The following ZNF717 variants were observed in gnomAD, a reference collection of about 807,000 sequenced individuals.
ZNF717 encodes zinc finger protein 717.
Under a neutral mutation model 13.8 loss-of-function variants are expected in ZNF717, and 9 were observed. The observed-to-expected ratio is 0.65, with a 90% CI of 0.39 to 1.14. The LOEUF (loss-of-function observed/expected upper bound fraction) is 1.14. Among genes scored for constraint, ZNF717 ranks in the 50% most tolerant of loss-of-function variants. The pLI, the probability that ZNF717 is intolerant of heterozygous loss-of-function variation, is 0.01. For missense variants in ZNF717, 1,040 were observed against 1,080.7 expected, an observed-to-expected ratio of 0.96 and a Z score of 0.53; for synonymous variants, 327 against 364.1, an observed-to-expected ratio of 0.90 and a Z score of 1.16.
intron 2 of ZNF717, among the ~76,000 whole-genome samples, chr3:75,751,361 C>T (rs139904393): frequency 7.2e-6 from 1 of 137,960 alleles, no homozygotes; most frequent in African/African-American, 2.7e-5. Flanking sequence ...CATCTGAATG[C>T]TTGTCCCTCA....
intron 2 of ZNF717, among the ~76,000 whole-genome samples, chr3:75,745,156 G>T (rs56300256): frequency 0.68 from 88,898 of 129,898 alleles, 27,066 homozygotes; most frequent in East Asian, 0.83. Flanking sequence ...GTGGTCTGTT[G>T]TTTTTTTTTT....
At position 75,737,682 on chromosome 3, in the gene ZNF717, G is replaced by T. The variant is rs139448820; in HGVS notation, c.1941C>A (p.Tyr647Ter). The change falls in exon 5 of 5, where the codon TAC becomes TAA. Residue 647 changes from tyrosine (Y) to a stop codon, truncating the protein, a stop_gained. Transcript: ENST00000652011. LOFTEE classifies it low-confidence loss of function (END_TRUNC). ...HQGTHTGEKP[Y>*]VCNECGKTFH... is the part of the protein sequence containing the mutation. ...AGGTTTTTCCACATTCATTACATAC[G>T]TAAGGTTTCTCTCCTGTGTGAGTTC... 1 of 1,473,370 alleles carries T rather than the reference G, an allele frequency of 6.8e-7. No individual in the cohort carries two copies. The highest frequency in any genetic ancestry group is 1.4e-5 in the African/African-American group (1 of 71,054). 91.3% of individuals were successfully genotyped at this position (1,473,370 alleles called of 1,614,324 possible).
Position 75,738,248 on chromosome 3 carries a change from GTT to G in ZNF717, c.1373_1374del (p.Lys458ThrfsTer5). 1 of 1,539,356 alleles carries G rather than the reference GTT, an allele frequency of 6.5e-7. No individual in the cohort carries two copies. The highest frequency in any genetic ancestry group is 8.8e-7 in the Non-Finnish European group (1 of 1,137,274). ...CTGAGGTTTGACTTATTGATAAAGG[GTT>G]TTCCACACTCATTACATTCATACGG... The part of the protein sequence containing the change: ...EKPYECNECG[K>X]PFINKSNLRL... On this transcript the variant is annotated frameshift_variant, in exon 5 of 5. Coordinates refer to ENST00000652011, the MANE Select transcript of ZNF717 (RefSeq NM_001290208.3). LOFTEE classifies it low-confidence loss of function (END_TRUNC).
chr3:75,764,243 T>C (rs1943254612), intron 2 of ZNF717, among the ~76,000 whole-genome samples: 1 of 152,194 alleles, frequency 6.6e-6, no homozygotes, highest in South Asian at 2.1e-4. Flanking sequence ...GTAGGTTCCT[T>C]GGGTACCCAG....
chr3:75,783,169 G>A (rs1008274876), intron 2 of ZNF717, 137 bp downstream of exon 2: 4 of 704,478 alleles, frequency 5.7e-6, no homozygotes, highest in African/African-American at 3.6e-5. Flanking sequence ...ATATCTACAG[G>A]TCAGCTTTAT....
intron 2 of ZNF717, among the ~76,000 whole-genome samples, chr3:75,759,087 G>T (rs375872400): frequency 8.8e-5 from 12 of 136,294 alleles, no homozygotes; most frequent in Non-Finnish European, 1.7e-4. Flanking sequence ...GACATATGCT[G>T]TTGCACACTT....
At chr3:75,734,225 C>T (rs878889536), downstream of ZNF717, among the ~76,000 whole-genome samples, 12 of 152,026 alleles carry the variant, frequency 7.9e-5, no homozygotes, top group Non-Finnish European at 1.3e-4. Flanking sequence ...CCCTCCACCA[C>T]GCCTGGCTAA....
chr3:75,772,430 C>T (rs185324784), intron 2 of ZNF717, among the ~76,000 whole-genome samples: 15 of 152,322 alleles, frequency 9.8e-5, no homozygotes, highest in Middle Eastern at 3.4e-3. Context: ...CTTCAGGGAA[C>T]CCAGACTTAG....
At chr3:75,716,348 CAG>C (rs1171345697) in intron 5 of ZNF717, 2 of 152,076 alleles carry the variant, frequency 1.3e-5, no homozygotes, top group African/African-American at 4.8e-5. Context: ...GCCTCACAGA[CAG>C]AATGTAAAAT....
At chr3:75,759,618 G>A (rs548353945) in intron 2 of ZNF717, among the ~76,000 whole-genome samples, 127 of 151,728 alleles carry the variant, frequency 8.4e-4, no homozygotes, top group African/African-American at 2.8e-3. Flanking sequence ...ACCCAGGGAG[G>A]AGCGCAGTGG....
chr3:75,707,439 C>T (rs1437919658), downstream of ZNF717, among the ~76,000 whole-genome samples: 15 of 152,408 alleles, frequency 9.8e-5, no homozygotes, highest in East Asian at 7.7e-4. Flanking sequence ...GGGATGCAAG[C>T]TAGTTTACAT....
chr3:75,771,387 C>T (rs1188142693), intron 2 of ZNF717, among the ~76,000 whole-genome samples: 1 of 152,206 alleles, frequency 6.6e-6, no homozygotes, highest in Non-Finnish European at 1.5e-5. Context: ...ATTCTGGGGG[C>T]TGCCTGACTC....
At chr3:75,697,897 A>G (rs1334681293) in intron 6 of ZNF717, among the ~76,000 whole-genome samples, 1 of 152,312 alleles carries the variant, frequency 6.6e-6, no homozygotes, top group African/African-American at 2.4e-5. Context: ...AAATGCTGAT[A>G]GTGATCTGGA....
At chr3:75,774,623 T>G (rs926816290) in intron 2 of ZNF717, among the ~76,000 whole-genome samples, 10 of 140,664 alleles carry the variant, frequency 7.1e-5, no homozygotes, top group South Asian at 2.4e-4. Flanking sequence ...TTTTTTTTTT[T>G]TTTTTTTTTT....
At chr3:75,702,493 G>GTT (rs1559566268) in intron 6 of ZNF717, among the ~76,000 whole-genome samples, 1 of 110,732 alleles carries the variant, frequency 9.0e-6, no homozygotes, top group Admixed American at 8.7e-5. Context: ...ACGGAACAGG[G>GTT]GGATAGTGGG....
At chr3:75,749,301 C>CT in intron 2 of ZNF717, among the ~76,000 whole-genome samples, 3 of 150,362 alleles carry the variant, frequency 2.0e-5, no homozygotes. Context: ...TGTTCTGAAT[C>CT]TTTGACCCTT....
Position 75,737,257 on chromosome 3 carries a change from T to C in ZNF717, c.2366A>G (p.Asp789Gly), listed in dbSNP as rs533677497. The C allele has an allele frequency of 2.1e-5, 32 of 1,552,742 alleles. No homozygotes were observed. In the African/African-American group the frequency reaches 4.0e-4, roughly 19 times the overall value. ...THSGEKPYECDECRKTFYDKT... is the reference protein window; with the variant it reads ...THSGEKPYECGECRKTFYDKT... ...ATCGTAAAAAGTTTTCCTACATTCATCACATTCATAGGGTTTCTCTCCTGA... is the reference window on the plus strand; with the variant it reads ...ATCGTAAAAAGTTTTCCTACATTCACCACATTCATAGGGTTTCTCTCCTGA... The change falls in exon 5 of 5, where the codon GAT becomes GGT. Residue 789 changes from aspartate (D) to glycine (G), a missense_variant. By Grantham distance (94) the Asp-to-Gly change is moderately conservative (BLOSUM62 -1). Around this residue, in one of 3 missense-constraint regions of ZNF717, gnomAD observed 873 missense variants for 832.8 expected, o/e 1.05. Transcript: ENST00000652011.
chr3:75,724,236 C>T (rs1316333087), intron 4 of ZNF717, among the ~76,000 whole-genome samples: 1 of 151,982 alleles, frequency 6.6e-6, no homozygotes, highest in African/African-American at 2.4e-5. Flanking sequence ...TGGGCCACTA[C>T]TAGTCTCCAC....
intron 4 of ZNF717, among the ~76,000 whole-genome samples, chr3:75,740,876 C>T (rs1164304060): frequency 6.6e-6 from 1 of 151,782 alleles, no homozygotes; most frequent in Non-Finnish European, 1.5e-5. Flanking sequence ...TAAAAAGAAA[C>T]ACCATTTTCA....
Sources: allele counts gnomAD v4.1 joint callset (sites outside exome capture counted in the v4.1 genomes callset), GRCh38; gene constraint gnomAD v4.1.1; regional missense constraint gnomAD v4.1.1; transcripts MANE v1.5; gene names NCBI Gene and HGNC (gene_info 2026-07-23, HGNC 2026-07-21).